CEMIP: variants seen among roughly 807,000 people sequenced by gnomAD.
The protein encoded by CEMIP is cell migration inducing hyaluronidase 1, also known as cell migration-inducing and hyaluronan-binding protein.
CEMIP carries 105 observed loss-of-function variants against 156.9 expected under a neutral mutation model. The ratio of observed to expected loss-of-function variants is 0.67; its 90% CI spans 0.57 to 0.79. The LOEUF is 0.79. Ranked by LOEUF, CEMIP falls within the 30% of genes least tolerant of loss-of-function variation. The pLI, the probability that CEMIP is intolerant of heterozygous loss-of-function variation, is 0.00. For synonymous variants in CEMIP, 676 were observed against 668.4 expected, an observed-to-expected ratio of 1.01 and a Z score of -0.17; for missense variants, 1,457 against 1,769.4, an observed-to-expected ratio of 0.82 and a Z score of 3.17.
At chr15:80,934,838 T>A (rs1757750728) in intron 23 of CEMIP, among the ~76,000 whole-genome samples, 3 of 152,166 alleles carry the variant, frequency 2.0e-5, no homozygotes. Flanking sequence ...GGCAGGAAGC[T>A]GAGGGTGTTT....
chr15:80,879,273 C>T (rs80203232), intron 4 of CEMIP, among the ~76,000 whole-genome samples: 2,384 of 152,236 alleles, frequency 0.016, 70 homozygotes, highest in African/African-American at 0.055. Flanking sequence ...TCAACCAATT[C>T]GAGGTTGAAA....
At chr15:80,794,457 T>C (rs534597480) in intron 1 of CEMIP, among the ~76,000 whole-genome samples, 2 of 152,324 alleles carry the variant, frequency 1.3e-5, no homozygotes, top group African/African-American at 4.8e-5. Context: ...AGCAGTGCTG[T>C]CCAGGAGACA....
chr15:80,842,397 G>A (rs1044418279), intron 1 of CEMIP, among the ~76,000 whole-genome samples: 5 of 152,088 alleles, frequency 3.3e-5, no homozygotes, highest in Non-Finnish European at 5.9e-5. Flanking sequence ...TGTTCTCAAG[G>A]GAGGGAGGCA....
intron 14 of CEMIP, among the ~76,000 whole-genome samples, chr15:80,916,395 T>C (rs1900276044): frequency 6.6e-6 from 1 of 152,208 alleles, no homozygotes; most frequent in African/African-American, 2.4e-5. Flanking sequence ...CAGGAATTGC[T>C]TTCACGACTG....
intron 1 of CEMIP, among the ~76,000 whole-genome samples, chr15:80,820,398 A>G (rs1330331832): frequency 2.0e-5 from 3 of 152,174 alleles, no homozygotes; most frequent in African/African-American, 7.2e-5. Flanking sequence ...CTTTATATTC[A>G]TAGATGCGTA....
intron 1 of CEMIP, among the ~76,000 whole-genome samples, chr15:80,803,599 T>C (rs985219538): frequency 6.6e-6 from 1 of 152,226 alleles, no homozygotes; most frequent in Non-Finnish European, 1.5e-5. Context: ...TTTGCATTCA[T>C]TATCTCCTTT....
chr15:80,786,536 T>C (rs1056174440), intron 1 of CEMIP, among the ~76,000 whole-genome samples: 1 of 148,740 alleles, frequency 6.7e-6, no homozygotes, highest in African/African-American at 2.5e-5. Context: ...TGCTATGTCT[T>C]TAATATTCTG....
chr15:80,836,409 T>C (rs942176824), intron 1 of CEMIP, among the ~76,000 whole-genome samples: 2 of 152,224 alleles, frequency 1.3e-5, no homozygotes, highest in African/African-American at 2.4e-5. Flanking sequence ...CTGGCATCCC[T>C]GCGGGTTGTC....
chr15:80,843,624 G>A (rs950069355), intron 1 of CEMIP, among the ~76,000 whole-genome samples: 1 of 152,248 alleles, frequency 6.6e-6, no homozygotes, highest in African/African-American at 2.4e-5. Flanking sequence ...AGAAGGAAGG[G>A]CAGATGCTTG....
chr15:80,840,112 A>AG (rs1194257370), intron 1 of CEMIP, among the ~76,000 whole-genome samples: 2 of 152,200 alleles, frequency 1.3e-5, no homozygotes, highest in Admixed American at 6.5e-5. Context: ...GAAAGTGGAA[A>AG]GGGGGGTGTC....
chr15:80,925,603 C>T, intron 18 of CEMIP, 21 bp from the exon 19 acceptor site: 1 of 1,610,512 alleles, frequency 6.2e-7, no homozygotes, highest in Non-Finnish European at 8.5e-7. Flanking sequence ...CACCTGTGCC[C>T]TCCCCATGGT....
intron 1 of CEMIP, among the ~76,000 whole-genome samples, chr15:80,782,825 A>C (rs1895832826): frequency 6.6e-6 from 1 of 152,242 alleles, no homozygotes; most frequent in Non-Finnish European, 1.5e-5. Flanking sequence ...GCAGGAGGAC[A>C]TGGGGCCTTG....
chr15:80,808,899 A>G (rs1432898632), intron 1 of CEMIP, among the ~76,000 whole-genome samples: 1 of 152,230 alleles, frequency 6.6e-6, no homozygotes, highest in African/African-American at 2.4e-5. Context: ...CAGTGATTTA[A>G]TTGATCAACA....
intron 1 of CEMIP, among the ~76,000 whole-genome samples, chr15:80,826,043 C>T (rs1217946684): frequency 1.3e-5 from 2 of 152,196 alleles, no homozygotes; most frequent in Admixed American, 6.5e-5. Flanking sequence ...ACCATCTGCA[C>T]GTCTTTCTTC....
At chr15:80,811,409 G>A (rs900332463) in intron 1 of CEMIP, among the ~76,000 whole-genome samples, 1 of 152,170 alleles carries the variant, frequency 6.6e-6, no homozygotes, top group African/African-American at 2.4e-5. Flanking sequence ...GTCCTGGAGG[G>A]CTGGATCAAT....
At chr15:80,781,024 G>A (rs2141550555) in intron 1 of CEMIP, among the ~76,000 whole-genome samples, 1 of 152,306 alleles carries the variant, frequency 6.6e-6, no homozygotes, top group African/African-American at 2.4e-5. Flanking sequence ...GGCACTCTGT[G>A]GTTCTCTGGC....
chr15:80,827,629 A>T (rs1192474704), intron 1 of CEMIP, among the ~76,000 whole-genome samples: 1 of 152,148 alleles, frequency 6.6e-6, no homozygotes, highest in Non-Finnish European at 1.5e-5. Flanking sequence ...AAAAACAAAC[A>T]ACAACAACAA....
intron 1 of CEMIP, among the ~76,000 whole-genome samples, chr15:80,823,280 C>T (rs1049223464): frequency 6.6e-6 from 1 of 152,178 alleles, no homozygotes; most frequent in Non-Finnish European, 1.5e-5. Context: ...ACAAGTCGTT[C>T]CGTTGATGGC....
intron 1 of CEMIP, among the ~76,000 whole-genome samples, chr15:80,813,243 T>A (rs1291987602): frequency 6.6e-6 from 1 of 151,994 alleles, no homozygotes; most frequent in East Asian, 1.9e-4. Flanking sequence ...GTTAAATGAG[T>A]TCATGCAGAT....
Sources: allele counts gnomAD v4.1 joint callset (sites outside exome capture counted in the v4.1 genomes callset), GRCh38; gene constraint gnomAD v4.1.1; transcripts MANE v1.5; gene names NCBI Gene and HGNC (gene_info 2026-07-23, HGNC 2026-07-21).